SLC26A4: variants seen among roughly 807,000 people sequenced by gnomAD.
The protein encoded by SLC26A4 is pendrin.
SLC26A4 carries 93 observed loss-of-function variants against 90.4 expected under a neutral mutation model. The ratio of observed to expected loss-of-function variants is 1.03; its 90% CI spans 0.87 to 1.22. The LOEUF (loss-of-function observed/expected upper bound fraction) is 1.22, where lower values mean the gene tolerates loss of function less well. Ranked by LOEUF, SLC26A4 falls within the 50% of genes most tolerant of loss-of-function variation. The pLI, the probability that SLC26A4 is intolerant of heterozygous loss-of-function variation, is 0.00. For synonymous variants in SLC26A4, 393 were observed against 354.6 expected (o/e 1.11, Z -1.22); for missense variants, 1,127 against 946.2 (o/e 1.19, Z -2.51).
chr7:107,715,584 G>A lies in SLC26A4; in HGVS notation c.*138G>A, dbSNP rs554416086. 9.2e-6 allele frequency: 7 copies of A among 762,366 alleles called. No homozygotes were observed. The highest frequency in any genetic ancestry group is 7.8e-5 in the Admixed American group (4 of 51,268). The allele number at this position is 762,366 out of a possible 1,614,324, so 47.2% of individuals were successfully genotyped here. On this transcript the variant is annotated 3_prime_UTR_variant, in exon 21 of 21. Transcript: ENST00000644269. The stretch of plus-strand genomic sequence containing the variant: ...AAGAGAAGCACTAAGACTGCTTCTA[G>A]GCTTTATTTATAAAATAAACACCTT...
chr7:107,711,806 A>G (rs1354500429), intron 19 of SLC26A4, among the ~76,000 whole-genome samples: 1 of 152,136 alleles, frequency 6.6e-6, no homozygotes, highest in African/African-American at 2.4e-5. Context: ...CTTATCCTCT[A>G]CCTTTCCCAT....
At chr7:107,666,345 G>A (rs191149508) in intron 3 of SLC26A4, among the ~76,000 whole-genome samples, 7 of 152,064 alleles carry the variant, frequency 4.6e-5, no homozygotes, top group East Asian at 3.9e-4. Flanking sequence ...TCTCAGCCTC[G>A]CCAGTAGCTG....
intron 18 of SLC26A4, among the ~76,000 whole-genome samples, chr7:107,706,066 A>G (rs943453113): frequency 3.9e-5 from 6 of 152,250 alleles, no homozygotes; most frequent in Non-Finnish European, 7.3e-5. Flanking sequence ...CTACAGGTAG[A>G]TAATAAAAAC....
chr7:107,670,016 A>G (rs1205379321), intron 3 of SLC26A4, among the ~76,000 whole-genome samples: 1 of 152,154 alleles, frequency 6.6e-6, no homozygotes, highest in African/African-American at 2.4e-5. Flanking sequence ...TTCTTAAGCT[A>G]GATGATGGAT....
At position 107,691,548 on chromosome 7, in the gene SLC26A4, C is replaced by CAT. The variant is rs35766469; in HGVS notation, c.1263+1328_1263+1329dup. ...ACACACACACACACACACACACAAA[C>CAT]ATATATATATATATATATTCTCATA... is the stretch of plus-strand genomic sequence containing the variant. On this transcript the variant is annotated intron_variant, in intron 10 of 20. Transcript: ENST00000644269. Among the ~76,000 whole-genome samples the CAT allele has an allele frequency of 5.6e-3, 810 of 144,166 alleles. 6 individuals carry two copies. Among genetic ancestry groups the CAT allele is most frequent in the African/African-American group, 0.015 (574 of 38,826 alleles). The allele number at this position is 144,166 out of a possible 152,430, so 94.6% of individuals were successfully genotyped here.
chr7:107,698,212 A>G, intron 14 of SLC26A4, 101 bp downstream of exon 14: 1 of 797,426 alleles, frequency 1.3e-6, no homozygotes, highest in Non-Finnish European at 2.2e-6. Context: ...GAAAATGCCT[A>G]TTGGGAAAGT....
At chr7:107,694,361 GAGA>G in intron 10 of SLC26A4, 39 bp from the exon 11 acceptor site, 1 of 1,503,746 alleles carries the variant, frequency 6.7e-7, no homozygotes, top group Non-Finnish European at 9.3e-7. Flanking sequence ...AGACACAAGG[GAGA>G]AGGACGAATC....
At chr7:107,694,374 C>T in intron 10 of SLC26A4, 29 bp from the exon 11 acceptor site, 1 of 1,580,660 alleles carries the variant, frequency 6.3e-7, no homozygotes, top group South Asian at 1.1e-5. Flanking sequence ...AAGGACGAAT[C>T]CTTTTCATAG....
At chr7:107,686,390 C>T (rs1791410442) in intron 8 of SLC26A4, among the ~76,000 whole-genome samples, 1 of 115,264 alleles carries the variant, frequency 8.7e-6, no homozygotes, top group Non-Finnish European at 1.8e-5. Context: ...TCCTTCCTTC[C>T]TTCCTCTCTC....
intron 6 of SLC26A4, among the ~76,000 whole-genome samples, chr7:107,678,108 C>T (rs1459449031): frequency 1.3e-5 from 2 of 152,126 alleles, no homozygotes; most frequent in Non-Finnish European, 2.9e-5. Flanking sequence ...AGACCTCTGA[C>T]TGCCTTATTT....
intron 18 of SLC26A4, among the ~76,000 whole-genome samples, chr7:107,709,804 T>C (rs182158617): frequency 6.2e-4 from 94 of 152,324 alleles, no homozygotes; most frequent in Admixed American, 1.5e-3. Flanking sequence ...AAGGAGGAGC[T>C]ACAAAAACTT....
chr7:107,702,659 T>G (rs1441440319), intron 17 of SLC26A4, among the ~76,000 whole-genome samples: 2 of 132,282 alleles, frequency 1.5e-5, no homozygotes, highest in Non-Finnish European at 3.1e-5. Context: ...TACTCCAGCC[T>G]GGGTGACAGA....
chr7:107,695,865 A>G (rs1286781249), intron 12 of SLC26A4, 68 bp from the exon 13 acceptor site: 1 of 835,990 alleles, frequency 1.2e-6, no homozygotes, highest in Non-Finnish European at 2.1e-6. Flanking sequence ...TTATTTTTAT[A>G]GGTAGTTATC....
chr7:107,665,717 G>A (rs1224899039), intron 3 of SLC26A4, among the ~76,000 whole-genome samples: 1 of 152,180 alleles, frequency 6.6e-6, no homozygotes, highest in Admixed American at 6.5e-5. Context: ...AAGTAAGAAT[G>A]TTGCCAGCTA....
Position 107,661,671 on chromosome 7 carries a change from GCCGCAGCTCCCC to G in SLC26A4, c.31_42del (p.Pro11_Pro14del). ...CAGCGCCAGGCGGCAGGTCGGAGCC[GCCGCAGCTCCCC>G]GAGTACAGCTGCAGCTACATGGTGT... On this transcript the variant is annotated inframe_deletion, in exon 2 of 21. Transcript: ENST00000644269. The surrounding 1 kb of genome is among the most constrained non-coding windows in gnomAD (Gnocchi z 5.1). The G allele has an allele frequency of 6.4e-7, 1 of 1,570,618 alleles. No individual in the cohort carries two copies. The highest frequency in any genetic ancestry group is 8.6e-7 in the Non-Finnish European group (1 of 1,163,246).
intron 9 of SLC26A4, among the ~76,000 whole-genome samples, chr7:107,689,880 A>G (rs1258204476): frequency 6.6e-6 from 1 of 152,216 alleles, no homozygotes; most frequent in African/African-American, 2.4e-5. Flanking sequence ...GCAAATGATC[A>G]GGTGCTATTT....
chr7:107,698,903 A>T (rs1791814717), intron 14 of SLC26A4, among the ~76,000 whole-genome samples: 1 of 152,200 alleles, frequency 6.6e-6, no homozygotes, highest in African/African-American at 2.4e-5. Flanking sequence ...CCTGCAAATA[A>T]AATTGCTTAG....
chr7:107,704,016 C>T (rs1459592541), intron 17 of SLC26A4, among the ~76,000 whole-genome samples: 1 of 152,198 alleles, frequency 6.6e-6, no homozygotes, highest in Non-Finnish European at 1.5e-5. Flanking sequence ...ACACCCATAT[C>T]TCTTCTCCAA....
chr7:107,711,550 C>T (rs1366923065), intron 19 of SLC26A4, among the ~76,000 whole-genome samples: 1 of 152,114 alleles, frequency 6.6e-6, no homozygotes, highest in African/African-American at 2.4e-5. Context: ...GTATTACATA[C>T]TTACTGGTCC....
Sources: allele counts gnomAD v4.1 joint callset (sites outside exome capture counted in the v4.1 genomes callset), GRCh38; gene constraint gnomAD v4.1.1; non-coding constraint Gnocchi (gnomAD v3.1); transcripts MANE v1.5; gene names NCBI Gene and HGNC (gene_info 2026-07-23, HGNC 2026-07-21).